The following REEP2 variants were observed in gnomAD, a reference collection of about 807,000 sequenced individuals.
REEP2 encodes the protein receptor accessory protein 2, also known as receptor expression-enhancing protein 2.
Under a neutral mutation model 32.1 loss-of-function variants are expected in REEP2, and 9 were observed. That is an observed-to-expected ratio of 0.28 (90% CI 0.17 to 0.49). The LOEUF (loss-of-function observed/expected upper bound fraction) is 0.49. Among genes scored for constraint, REEP2 ranks in the 20% least tolerant of loss-of-function variants. The probability of loss-of-function intolerance (pLI) is 0.99; values close to 1 mark genes in which losing one functional copy is unlikely to be tolerated. For synonymous variants in REEP2, 128 were observed against 139.1 expected (o/e 0.92, Z 0.56); for missense variants, 236 against 338.0 (o/e 0.70, Z 2.37).
At position 138,439,219 on chromosome 5, in the gene REEP2, G is replaced by A; in HGVS notation, c.11G>A (p.Trp4Ter). 7.0e-7 allele frequency: 1 copy of A among 1,419,352 alleles called. No individual in the cohort carries two copies. 87.9% of individuals were successfully genotyped at this position (1,419,352 alleles called of 1,614,324 possible). Residue 4 changes from tryptophan (W) to a stop codon, truncating the protein, a stop_gained, in exon 1 of 8, where the codon TGG becomes TAG. Transcript: ENST00000378339. LOFTEE classifies it high-confidence loss of function. ...GCGCCCGGCCCCGCCATGGTGTCCT[G>A]GATCATCTCTCGCCTGGTGGTGTGA... MVS[W>*]IISRLVVLIF...
chr5:138,445,199 G>T (rs1330491630), intron 5 of REEP2, 29 bp from the exon 6 acceptor site: 15 of 1,554,494 alleles, frequency 9.6e-6, no homozygotes, highest in Non-Finnish European at 1.2e-5. Context: ...CTTCCCCCCG[G>T]CTCTCCCGGT....
In REEP2 at chr5:138,444,837, C is replaced by T. The variant is rs764448082; in HGVS notation, c.387C>T (p.Ala129=). 17 of 1,613,422 alleles carry T rather than the reference C, an allele frequency of 1.1e-5. No individual in the cohort carries two copies. The highest frequency in any genetic ancestry group is 6.7e-5 in the Admixed American group (4 of 59,930). The part of the protein sequence containing the change: ...MRVGKRGLNL[A]ANAAVTAAAK... ...TGGGCAAGAGGGGCCTGAACCTTGC[C>T]GCCAATGCTGCAGTCACAGCTGCCG... The change falls in exon 5 of 8, where the codon GCC becomes GCT. Residue 129 remains alanine, a synonymous_variant. Coordinates refer to ENST00000378339, the MANE Select transcript of REEP2 (RefSeq NM_001271803.2).
chr5:138,440,973 T>G, intron 1 of REEP2, 43 bp from the exon 2 acceptor site: 1 of 1,608,400 alleles, frequency 6.2e-7, no homozygotes, highest in Non-Finnish European at 8.5e-7. Context: ...GAGAGGCCAC[T>G]GCCCTTGGCT....
At chr5:138,440,842 A>G (rs2127021658) in intron 1 of REEP2, 174 bp from the exon 2 acceptor site, 1 of 1,291,092 alleles carries the variant, frequency 7.7e-7, no homozygotes, top group Non-Finnish European at 1.0e-6. Flanking sequence ...GCATCACCCT[A>G]CCTGGCTGGG....
At position 138,446,022 on chromosome 5, in the gene REEP2, G is replaced by A. The variant is rs866647967; in HGVS notation, c.*271G>A. The A allele has an allele frequency of 1.4e-5, 7 of 484,614 alleles. No individual in the cohort carries two copies. The highest frequency in any genetic ancestry group is 3.4e-5 in the East Asian group (1 of 29,112). 30.0% of individuals were successfully genotyped at this position (484,614 alleles called of 1,614,324 possible). ...AGGTGGGGACTGCTCGGCCTCCACC[G>A]CTGTTCCGCTGCAGCCCCGCCCTGC... On this transcript the variant is annotated 3_prime_UTR_variant, in exon 8 of 8. Transcript: ENST00000378339.
chr5:138,445,985 A>C lies in REEP2; in HGVS notation c.*234A>C. ...AGGGTGGACCAGAGGCTGAGGACTG[A>C]GCCACCCAAGGAGGTGGGGACTGCT... On this transcript the variant is annotated 3_prime_UTR_variant, in exon 8 of 8. Transcript: ENST00000378339. 1 of 562,398 alleles carries C rather than the reference A, an allele frequency of 1.8e-6. No homozygotes were observed. Among genetic ancestry groups the C allele is most frequent in the South Asian group, 2.3e-5 (1 of 43,306 alleles). 34.8% of individuals were successfully genotyped at this position (562,398 alleles called of 1,614,324 possible).
At chr5:138,439,656 A>G (rs1763785863) in intron 1 of REEP2, 1 of 462,164 alleles carries the variant, frequency 2.2e-6, no homozygotes, top group Non-Finnish European at 4.3e-6. Context: ...AGAGTGGAGC[A>G]AGGCAGGGCC....
chr5:138,445,060 A>G, intron 5 of REEP2, 168 bp from the exon 6 acceptor site: 2 of 867,040 alleles, frequency 2.3e-6, no homozygotes, highest in Non-Finnish European at 1.8e-6. Context: ...ATCTGTCCCC[A>G]GAGGCAAAGT....
chr5:138,444,910 T>G, intron 5 of REEP2, 43 bp downstream of exon 5: 1 of 1,457,004 alleles, frequency 6.9e-7, no homozygotes, highest in Non-Finnish European at 9.5e-7. Context: ...CCCTACCTTG[T>G]ACAAAGGGCC....
intron 1 of REEP2, among the ~76,000 whole-genome samples, chr5:138,440,162 C>T (rs1292163340): frequency 6.6e-6 from 1 of 152,220 alleles, no homozygotes; most frequent in African/African-American, 2.4e-5. Flanking sequence ...GGACACTGCC[C>T]CTCGGCCTCC....
At chr5:138,445,174 A>G in intron 5 of REEP2, 54 bp from the exon 6 acceptor site, 5 of 1,531,342 alleles carry the variant, frequency 3.3e-6, no homozygotes, top group South Asian at 2.6e-5. Context: ...GGTGACCTCT[A>G]TCTCCACCCC....
In REEP2 at chr5:138,444,786, C is replaced by T; in HGVS notation, c.336C>T (p.Asp112=). Reference sequence around the variant, plus strand: ...ACGAGTACATCACGCAGGCCCGAGACAAGAGCTATGAGACCATGATGAGGG... The same window carrying T: ...ACGAGTACATCACGCAGGCCCGAGATAAGAGCTATGAGACCATGATGAGGG... ...EIDEYITQAR[D]KSYETMMRVG... is the part of the protein sequence containing the mutation. Residue 112 remains aspartate (D), a synonymous_variant, in exon 5 of 8, where the codon GAC becomes GAT. Coordinates refer to ENST00000378339, the MANE Select transcript of REEP2 (RefSeq NM_001271803.2). 6.2e-7 allele frequency: 1 copy of T among 1,614,098 alleles called. No individual in the cohort carries two copies. The highest frequency in any genetic ancestry group is 8.5e-7 in the Non-Finnish European group (1 of 1,179,974).
chr5:138,443,189 G>A (rs1054165720), intron 3 of REEP2, among the ~76,000 whole-genome samples: 2 of 152,124 alleles, frequency 1.3e-5, no homozygotes, highest in Admixed American at 6.5e-5. Flanking sequence ...GCCAGGTGCG[G>A]TGGCTCATGC....
intron 3 of REEP2, among the ~76,000 whole-genome samples, chr5:138,444,145 G>GGGCTGGGGCTTGGGGAGA (rs1357696881): frequency 1.3e-5 from 2 of 152,090 alleles, no homozygotes. Flanking sequence ...AGGAGTGAGA[G>GGGCTGGGGCTTGGGGAGA]GGCTGGGGCT....
chr5:138,445,070 T>G, intron 5 of REEP2, 158 bp from the exon 6 acceptor site: 1 of 907,552 alleles, frequency 1.1e-6, no homozygotes, highest in South Asian at 1.6e-5. Flanking sequence ...AGAGGCAAAG[T>G]GTGGCCCTGC....
At position 138,444,477 on chromosome 5, in the gene REEP2, A is replaced by G; in HGVS notation, c.245A>G (p.Lys82Arg). Residue 82 changes from lysine to arginine, a missense_variant, in exon 4 of 8, where the codon AAG (lysine) becomes AGG (arginine). Transcript: ENST00000378339. ...ATATGGCTGCTGTCCCCTTACACCA[A>G]GGGCTCCAGCGTGCTCTACCGCAAG... ...FVIWLLSPYT[K>R]GSSVLYRKFV... 1.9e-6 allele frequency: 3 copies of G among 1,614,020 alleles called. No individual in the cohort carries two copies. In the South Asian group the frequency reaches 3.3e-5, roughly 18 times the overall value.
intron 3 of REEP2, 141 bp from the exon 4 acceptor site, chr5:138,444,274 G>GCAGT: frequency 1.1e-6 from 1 of 910,510 alleles, no homozygotes; most frequent in Non-Finnish European, 1.7e-6. Context: ...TTAGAAAGGA[G>GCAGT]CAGTCCCATG....
intron 1 of REEP2, 53 bp from the exon 2 acceptor site, chr5:138,440,963 G>C: frequency 1.2e-6 from 2 of 1,606,634 alleles, no homozygotes; most frequent in Non-Finnish European, 1.7e-6. Context: ...AGCTGGGAGG[G>C]AGAGGCCACT....
chr5:138,439,420 G>T (rs1010662019), intron 1 of REEP2, among the ~76,000 whole-genome samples, 180 bp downstream of exon 1: 2 of 152,176 alleles, frequency 1.3e-5, no homozygotes, highest in African/African-American at 4.8e-5. Flanking sequence ...AATATTAGGG[G>T]AGCGTGGCAG....
Sources: allele counts gnomAD v4.1 joint callset (sites outside exome capture counted in the v4.1 genomes callset), GRCh38; gene constraint gnomAD v4.1.1; transcripts MANE v1.5; gene names NCBI Gene and HGNC (gene_info 2026-07-23, HGNC 2026-07-21).